The following MTCL1 variants were observed in gnomAD, a reference collection of about 807,000 sequenced individuals.
The protein encoded by MTCL1 is microtubule crosslinking factor 1.
A neutral mutation model predicts 141.4 loss-of-function variants in MTCL1; 79 were observed. The ratio of observed to expected loss-of-function variants is 0.56; its 90% CI spans 0.47 to 0.67. The LOEUF (loss-of-function observed/expected upper bound fraction) is 0.67, where lower values mean the gene tolerates loss of function less well. Among genes scored for constraint, MTCL1 ranks in the 30% least tolerant of loss-of-function variants. The pLI is 0.00. For missense variants in MTCL1, 2,177 were observed against 2,113.9 expected (o/e 1.03, Z -0.59); for synonymous variants, 914 against 875.8 (o/e 1.04, Z -0.77).
rs190121809 is a variant in MTCL1 at position 8,724,178 on chromosome 18, G to C, written c.357+3682G>C. On this transcript the variant is annotated intron_variant, in intron 4 of 16. Coordinates refer to ENST00000359865, the Ensembl canonical transcript of MTCL1. ...TAACCTCAGCACTTTGGGAGGCCGAGGTGGGTGGATCACCTGAGGTTAGGA... is the reference window on the plus strand; with the variant it reads ...TAACCTCAGCACTTTGGGAGGCCGACGTGGGTGGATCACCTGAGGTTAGGA... 3.3e-3 allele frequency among the ~76,000 whole-genome samples: 499 copies of C among 152,266 alleles called. 2 individuals carry two copies. Among genetic ancestry groups the C allele is most frequent in the African/African-American group, 0.012 (484 of 41,550 alleles).
intron 5 of MTCL1, among the ~76,000 whole-genome samples, chr18:8,779,000 G>A (rs189115929): frequency 4.4e-4 from 67 of 152,292 alleles, no homozygotes; most frequent in African/African-American, 1.2e-3. Context: ...CCACCCAGCC[G>A]GTGGGATTAT....
intron 15 of MTCL1, among the ~76,000 whole-genome samples, chr18:8,827,657 G>C (rs778902032): frequency 4.6e-5 from 7 of 152,178 alleles, no homozygotes; most frequent in Non-Finnish European, 8.8e-5. Flanking sequence ...TGAGTGCCCT[G>C]CCTTCTTAGG....
chr18:8,781,407 C>T (rs1401665148), intron 5 of MTCL1, among the ~76,000 whole-genome samples: 1 of 152,024 alleles, frequency 6.6e-6, no homozygotes, highest in African/African-American at 2.4e-5. Context: ...CACAGGATTG[C>T]TTTTTATGTC....
chr18:8,752,956 A>C (rs946673173), intron 4 of MTCL1, among the ~76,000 whole-genome samples: 3 of 152,190 alleles, frequency 2.0e-5, no homozygotes, highest in Non-Finnish European at 2.9e-5. Flanking sequence ...AAATGCGTGG[A>C]GACGTCGCCG....
chr18:8,770,088 C>T (rs1405321817), intron 4 of MTCL1, among the ~76,000 whole-genome samples: 3 of 152,106 alleles, frequency 2.0e-5, no homozygotes, highest in African/African-American at 7.2e-5. Context: ...CAAATATGGG[C>T]GATTGGGCTA....
intron 12 of MTCL1, among the ~76,000 whole-genome samples, chr18:8,815,012 A>G (rs2076604883): frequency 6.6e-6 from 1 of 152,188 alleles, no homozygotes; most frequent in Admixed American, 6.5e-5. Flanking sequence ...GAACACTTTT[A>G]CACTGTTGGT....
chr18:8,786,017 C>G (rs373316781), exon 7 of MTCL1: 1 of 1,584,090 alleles, frequency 6.3e-7, no homozygotes, highest in East Asian at 2.2e-5. Context: ...CCGAGCCGCG[C>G]GGGAGCTGCA....
intron 3 of MTCL1, among the ~76,000 whole-genome samples, chr18:8,719,655 T>C (rs1325823702): frequency 6.6e-6 from 1 of 152,200 alleles, no homozygotes; most frequent in Non-Finnish European, 1.5e-5. Flanking sequence ...CTCGAACTCC[T>C]GGGCTCAAGC....
upstream of MTCL1, among the ~76,000 whole-genome samples, chr18:8,716,772 A>T (rs1416658857): frequency 6.6e-6 from 1 of 152,028 alleles, no homozygotes; most frequent in Non-Finnish European, 1.5e-5. Flanking sequence ...CTTAATATTA[A>T]TTGAATAAAG....
intron 4 of MTCL1, among the ~76,000 whole-genome samples, chr18:8,752,577 T>C (rs2096377147): frequency 6.6e-6 from 1 of 152,230 alleles, no homozygotes; most frequent in Non-Finnish European, 1.5e-5. Context: ...TGAGTTTGTA[T>C]GCTACAGACC....
chr18:8,706,105 G>A, exon 1 of MTCL1: 1 of 1,208,272 alleles, frequency 8.3e-7, no homozygotes, highest in Non-Finnish European at 1.0e-6. Context: ...GAAGCCTCCC[G>A]GAGCCGAGCC....
At chr18:8,765,168 C>T (rs749056949) in intron 4 of MTCL1, among the ~76,000 whole-genome samples, 4 of 152,184 alleles carry the variant, frequency 2.6e-5, no homozygotes, top group Admixed American at 6.5e-5. Flanking sequence ...CTCTGAACAC[C>T]AGTTAGTTTT....
intron 4 of MTCL1, among the ~76,000 whole-genome samples, chr18:8,745,890 C>T (rs2096334295): frequency 1.3e-5 from 2 of 152,164 alleles, no homozygotes; most frequent in South Asian, 4.1e-4. Context: ...AACAAGTCTC[C>T]ATTCTTCCCT....
chr18:8,798,040 G>T, intron 9 of MTCL1, 57 bp from the exon 9 acceptor site: 1 of 1,504,260 alleles, frequency 6.6e-7, no homozygotes, highest in Non-Finnish European at 8.9e-7. Context: ...TGAAAATCAG[G>T]CTGTACAGCA....
chr18:8,706,028 CCAAGGCTGCCCTGGGAAGCAGGAGGG>C lies in MTCL1; in HGVS notation c.370_395del (p.Lys124GlyfsTer82). ...GCCGGGGCCAGAGCGGCGGGCGGTGCCAAGGCTGCCCTGGGAAGCAGGAGGGCGGCGCGCGTGGCGCCCGCGGAGCC... is the reference window on the plus strand; with the variant it reads ...GCCGGGGCCAGAGCGGCGGGCGGTGCCGGCGCGCGTGGCGCCCGCGGAGCC... On this transcript the variant is annotated frameshift_variant, in exon 1 of 14. Coordinates refer to the MTCL1 transcript ENST00000306329. LOFTEE classifies it high-confidence loss of function. 1 of 1,177,200 alleles carries C rather than the reference CCAAGGCTGCCCTGGGAAGCAGGAGGG, an allele frequency of 8.5e-7. No individual in the cohort carries two copies. The highest frequency in any genetic ancestry group is 1.0e-6 in the Non-Finnish European group (1 of 953,698). 72.9% of individuals were successfully genotyped at this position (1,177,200 alleles called of 1,614,324 possible). A position where few individuals can be genotyped will look rare whatever the true frequency, so the allele number is the denominator to read the frequency against.
At chr18:8,758,197 A>G (rs866063158) in intron 4 of MTCL1, among the ~76,000 whole-genome samples, 1 of 151,824 alleles carries the variant, frequency 6.6e-6, no homozygotes, top group Non-Finnish European at 1.5e-5. Flanking sequence ...CTAATTTTGT[A>G]TTTTTAGTAG....
chr18:8,812,956 C>T, intron 11 of MTCL1, 23 bp from the exon 11 acceptor site: 1 of 1,596,788 alleles, frequency 6.3e-7, no homozygotes, highest in Non-Finnish European at 8.6e-7. Flanking sequence ...AGAGGGAATT[C>T]CTAAGTCTCT....
chr18:8,727,737 A>G (rs1191266247), intron 4 of MTCL1, among the ~76,000 whole-genome samples: 1 of 151,280 alleles, frequency 6.6e-6, no homozygotes, highest in Non-Finnish European at 1.5e-5. Context: ...GGGATCTGAG[A>G]CTCTCTCTTT....
chr18:8,750,944 C>T (rs1184027128), intron 4 of MTCL1, among the ~76,000 whole-genome samples: 1 of 152,068 alleles, frequency 6.6e-6, no homozygotes, highest in East Asian at 1.9e-4. Context: ...ACTGGCAAGG[C>T]GGCCTGAGTG....
Sources: allele counts gnomAD v4.1 joint callset (sites outside exome capture counted in the v4.1 genomes callset), GRCh38; gene constraint gnomAD v4.1.1; transcripts MANE v1.5; gene names NCBI Gene and HGNC (gene_info 2026-07-23, HGNC 2026-07-21).